Variants in FHIT observed in about 807,000 individuals in gnomAD.
The protein encoded by FHIT is bis(5'-adenosyl)-triphosphatase.
In FHIT, 19 loss-of-function variants were observed where a neutral mutation model predicts 17.9. The ratio of observed to expected loss-of-function variants is 1.06; its 90% CI spans 0.74 to 1.56. FHIT has a LOEUF of 1.56. Ranked by LOEUF, FHIT falls within the 40% of genes most tolerant of loss-of-function variation. The pLI, the probability that FHIT is intolerant of heterozygous loss-of-function variation, is 0.00. For synonymous variants in FHIT, 81 were observed against 69.7 expected (o/e 1.16, Z -0.81); for missense variants, 248 against 189.2 (o/e 1.31, Z -1.82).
At chr3:60,976,829 G>A (rs773819325) in intron 3 of FHIT, among the ~76,000 whole-genome samples, 4 of 150,700 alleles carry the variant, frequency 2.7e-5, no homozygotes, top group Non-Finnish European at 5.9e-5. Context: ...GCAAAGAAAT[G>A]TTTCCTCTCC....
intron 3 of FHIT, among the ~76,000 whole-genome samples, chr3:60,971,519 A>C (rs1710008252): frequency 7.3e-6 from 1 of 136,750 alleles, no homozygotes; most frequent in South Asian, 2.3e-4. Flanking sequence ...ATTCTCCCTC[A>C]ATCTTTTTTT....
chr3:61,136,659 A>G (rs1268817484), intron 2 of FHIT, among the ~76,000 whole-genome samples: 1 of 152,220 alleles, frequency 6.6e-6, no homozygotes, highest in Non-Finnish European at 1.5e-5. Flanking sequence ...TAAGTGCTTC[A>G]GCAGAGACTG....
intron 7 of FHIT, among the ~76,000 whole-genome samples, chr3:59,939,382 C>T (rs915422817): frequency 6.6e-6 from 1 of 152,140 alleles, no homozygotes; most frequent in Non-Finnish European, 1.5e-5. Context: ...GCAGCAGAGT[C>T]TTAATAGCAA....
intron 4 of FHIT, among the ~76,000 whole-genome samples, chr3:60,571,613 T>G (rs1464455182): frequency 1.3e-5 from 2 of 152,076 alleles, no homozygotes; most frequent in African/African-American, 4.8e-5. Context: ...GTCGGGCATT[T>G]CTCTAAGTGT....
chr3:60,169,394 A>G (rs1190119888), intron 5 of FHIT, among the ~76,000 whole-genome samples: 1 of 152,188 alleles, frequency 6.6e-6, no homozygotes, highest in Non-Finnish European at 1.5e-5. Flanking sequence ...CAGCAAAAGC[A>G]TGTTGGCTAA....
intron 5 of FHIT, among the ~76,000 whole-genome samples, chr3:60,532,536 C>T (rs190169787): frequency 6.6e-6 from 1 of 152,292 alleles, no homozygotes; most frequent in African/African-American, 2.4e-5. Context: ...AATGTGTACT[C>T]TTCAAAATGA....
At chr3:60,615,376 G>A (rs576237954) in intron 4 of FHIT, among the ~76,000 whole-genome samples, 4 of 152,284 alleles carry the variant, frequency 2.6e-5, no homozygotes, top group East Asian at 1.9e-4. Context: ...ACGTGATTCC[G>A]TGGGCTGAAT....
intron 5 of FHIT, among the ~76,000 whole-genome samples, chr3:60,374,327 A>G (rs1319277712): frequency 6.6e-6 from 1 of 151,992 alleles, no homozygotes; most frequent in African/African-American, 2.4e-5. Flanking sequence ...AGAAGTCTCT[A>G]TTTTTTTAAA....
At chr3:60,186,466 C>T (rs1368967857) in intron 5 of FHIT, among the ~76,000 whole-genome samples, 2 of 152,152 alleles carry the variant, frequency 1.3e-5, no homozygotes, top group Non-Finnish European at 2.9e-5. Context: ...AAAGGCTCAG[C>T]ATTTTCGAAA....
At chr3:60,026,880 C>A (rs1700761401) in intron 5 of FHIT, among the ~76,000 whole-genome samples, 1 of 152,062 alleles carries the variant, frequency 6.6e-6, no homozygotes, top group African/African-American at 2.4e-5. Flanking sequence ...GGGTGGGTCA[C>A]TTGAGATCAG....
At chr3:60,245,914 G>GA (rs138842189) in intron 5 of FHIT, among the ~76,000 whole-genome samples, 1,912 of 152,004 alleles carry the variant, frequency 0.013, 32 homozygotes, top group African/African-American at 0.043. Flanking sequence ...CAAGCCATTG[G>GA]ACAATAAATG....
At chr3:59,795,964 G>A (rs889468727) in intron 8 of FHIT, among the ~76,000 whole-genome samples, 1 of 152,088 alleles carries the variant, frequency 6.6e-6, no homozygotes, top group African/African-American at 2.4e-5. Context: ...ACCAGAACTC[G>A]ACTGAGTGCG....
intron 8 of FHIT, among the ~76,000 whole-genome samples, chr3:59,837,309 A>G (rs1701372513): frequency 1.3e-5 from 2 of 152,186 alleles, no homozygotes; most frequent in Admixed American, 6.5e-5. Context: ...ATGTCATAGT[A>G]TTTGCATATA....
intron 8 of FHIT, among the ~76,000 whole-genome samples, chr3:59,890,981 C>G (rs1401325121): frequency 6.6e-6 from 1 of 152,162 alleles, no homozygotes; most frequent in Non-Finnish European, 1.5e-5. Flanking sequence ...CAGCACACTG[C>G]ATTAGGTGGC....
chr3:60,649,395 C>T (rs1370676837), intron 4 of FHIT, among the ~76,000 whole-genome samples: 1 of 152,036 alleles, frequency 6.6e-6, no homozygotes, highest in African/African-American at 2.4e-5. Flanking sequence ...GAGCGAGAGT[C>T]CATCTCAAAA....
chr3:61,086,046 C>G (rs982882890), intron 2 of FHIT, among the ~76,000 whole-genome samples: 3 of 152,034 alleles, frequency 2.0e-5, no homozygotes, highest in Non-Finnish European at 4.4e-5. Flanking sequence ...ATTATATGTT[C>G]TGCAAATAAA....
At chr3:60,537,415 G>A in intron 4 of FHIT, 1 of 936,788 alleles carries the variant, frequency 1.1e-6, no homozygotes. Context: ...ATGGTTTTGT[G>A]TTCATATAAT....
In FHIT at chr3:60,117,765, T is replaced by A. The variant is rs1029415032; in HGVS notation, c.104-103613A>T. Among the ~76,000 whole-genome samples the A allele has an allele frequency of 4.0e-5, 6 of 151,766 alleles. No individual in the cohort carries two copies. The South Asian group carries it at 1.3e-3, about 32-fold the overall frequency. ...GGCTGCAAGGGTAGATGATGAAGGT[T>A]AAGAAGATGTAGGACTATAGAGGCC... On this transcript the variant is annotated intron_variant, in intron 5 of 9. Coordinates refer to ENST00000492590, the MANE Select transcript of FHIT (RefSeq NM_002012.4).
chr3:60,031,329 T>C (rs1700991325), intron 5 of FHIT, among the ~76,000 whole-genome samples: 1 of 151,770 alleles, frequency 6.6e-6, no homozygotes, highest in African/African-American at 2.4e-5. Flanking sequence ...CTGAAGAAAA[T>C]CAAAGAAAAG....
Sources: gnomAD v4.1 joint callset for allele counts (sites outside exome capture counted in the v4.1 genomes callset) on GRCh38, gnomAD v4.1.1 for gene constraint, MANE v1.5 for transcripts, NCBI Gene and HGNC (gene_info 2026-07-23, HGNC 2026-07-21) for gene names.